Variants in ARHGAP42 observed in about 807,000 individuals in gnomAD.
ARHGAP42 encodes rho GTPase-activating protein 42.
In ARHGAP42, 63 loss-of-function variants were observed where a neutral mutation model predicts 125.0. That is an observed-to-expected ratio of 0.50 (90% CI 0.41 to 0.62). The LOEUF is 0.62. Ranked by LOEUF, ARHGAP42 falls within the 20% of genes least tolerant of loss-of-function variation. The pLI, the probability that ARHGAP42 is intolerant of heterozygous loss-of-function variation, is 0.00. For missense variants in ARHGAP42, 766 were observed against 1,024.2 expected, an observed-to-expected ratio of 0.75 and a Z score of 3.44; for synonymous variants, 339 against 351.0, an observed-to-expected ratio of 0.97 and a Z score of 0.38.
chr11:100,948,325 C>T, intron 10 of ARHGAP42, 132 bp from the exon 11 acceptor site: 6 of 648,002 alleles, frequency 9.3e-6, no homozygotes, highest in African/African-American at 1.8e-5. Context: ...TAGAAAAATT[C>T]CTATGTTTTT....
intron 13 of ARHGAP42, among the ~76,000 whole-genome samples, 191 bp downstream of exon 13, chr11:100,960,136 T>C (rs1490392716): frequency 6.6e-6 from 1 of 152,150 alleles, no homozygotes; most frequent in East Asian, 1.9e-4. Flanking sequence ...AATCATGCTT[T>C]AGGCATACTT....
rs373059302 is a variant in ARHGAP42 at position 100,837,666 on chromosome 11, C to CTTTTTT, written c.313-21862_313-21857dup. Among the ~76,000 whole-genome samples the CTTTTTT allele has an allele frequency of 7.3e-3, 445 of 60,872 alleles. 60 individuals are homozygous for CTTTTTT. Among genetic ancestry groups the CTTTTTT allele is most frequent in the African/African-American group, 0.029 (403 of 14,024 alleles). The allele number at this position is 60,872 out of a possible 152,430, so 39.9% of individuals were successfully genotyped here. A position where few individuals can be genotyped will look rare whatever the true frequency, so the allele number is the denominator to read the frequency against. ...CAGTTCCCAGAATCTAGGTGTCATCCTTTTTTTTTTTTTTTTTTTTTTTTT... is the reference window on the plus strand; with the variant it reads ...CAGTTCCCAGAATCTAGGTGTCATCCTTTTTTTTTTTTTTTTTTTTTTTTTTTTTTT... On this transcript the variant is annotated intron_variant, in intron 3 of 23. Transcript: ENST00000298815.
chr11:100,708,672 A>C (rs1474296439), intron 1 of ARHGAP42, among the ~76,000 whole-genome samples: 1 of 152,220 alleles, frequency 6.6e-6, no homozygotes, highest in Non-Finnish European at 1.5e-5. Flanking sequence ...TATGATGATA[A>C]ACTTTATTAT....
chr11:100,714,777 C>G (rs1258543801), intron 1 of ARHGAP42, among the ~76,000 whole-genome samples: 1 of 152,048 alleles, frequency 6.6e-6, no homozygotes, highest in East Asian at 1.9e-4. Context: ...CGCCTATAAT[C>G]CCAGCACTTT....
intron 4 of ARHGAP42, among the ~76,000 whole-genome samples, chr11:100,905,805 C>A (rs1360045912): frequency 9.7e-6 from 1 of 103,610 alleles, no homozygotes; most frequent in Non-Finnish European, 1.9e-5. Flanking sequence ...AGCAAAACCC[C>A]GTCTCTACTA....
chr11:100,992,357 G>A lies in ARHGAP42; in HGVS notation c.*3556G>A. The stretch of plus-strand genomic sequence containing the variant: ...ACCCGGAAATCACATCTCCTGGTCA[G>A]GTCACGAAAAAGAACACAGGCTTGA... On this transcript the variant is annotated 3_prime_UTR_variant, in exon 24 of 24. Transcript: ENST00000298815. 1 of 1,613,582 alleles carries A rather than the reference G, an allele frequency of 6.2e-7. No individual in the cohort carries two copies. Among genetic ancestry groups the A allele is most frequent in the Non-Finnish European group, 8.5e-7 (1 of 1,179,704 alleles).
Position 100,991,873 on chromosome 11 carries a change from A to T in ARHGAP42, c.*3072A>T. ...TTTCAGAGATAGTGAAGGAAAAAAA[A>T]TGTATTAAAACCCCAAATTATCTAG... is the stretch of plus-strand genomic sequence containing the variant. On this transcript the variant is annotated 3_prime_UTR_variant, in exon 24 of 24. Coordinates refer to ENST00000298815, the MANE Select transcript of ARHGAP42 (RefSeq NM_152432.4). 6.5e-6 allele frequency: 1 copy of T among 154,656 alleles called. No homozygotes were observed. The highest frequency in any genetic ancestry group is 1.4e-5 in the Non-Finnish European group (1 of 69,770). The allele number at this position is 154,656 out of a possible 1,614,324, so 9.6% of individuals were successfully genotyped here.
At chr11:100,921,649 A>G in intron 6 of ARHGAP42, 45 bp downstream of exon 6, 2 of 1,210,898 alleles carry the variant, frequency 1.7e-6, no homozygotes, top group South Asian at 1.5e-5. Context: ...AAAACAATCT[A>G]TGGAAAAAAA....
intron 3 of ARHGAP42, among the ~76,000 whole-genome samples, chr11:100,799,016 G>T (rs554359372): frequency 6.6e-6 from 1 of 152,330 alleles, no homozygotes; most frequent in South Asian, 2.1e-4. Flanking sequence ...TGTGGAATAA[G>T]GCAGATAGTT....
intron 6 of ARHGAP42, among the ~76,000 whole-genome samples, chr11:100,926,001 C>T (rs1307796457): frequency 6.6e-6 from 1 of 152,154 alleles, no homozygotes; most frequent in Non-Finnish European, 1.5e-5. Flanking sequence ...TCTAGAAGTA[C>T]TCTGAACACA....
intron 3 of ARHGAP42, among the ~76,000 whole-genome samples, chr11:100,827,906 T>C (rs1320245132): frequency 6.6e-6 from 1 of 152,160 alleles, no homozygotes; most frequent in African/African-American, 2.4e-5. Context: ...GAATCTACCC[T>C]TTACAAAACA....
intron 1 of ARHGAP42, among the ~76,000 whole-genome samples, chr11:100,737,873 C>T (rs1862100383): frequency 6.6e-6 from 1 of 152,200 alleles, no homozygotes; most frequent in South Asian, 2.1e-4. Flanking sequence ...AGTTGCTTGC[C>T]TATTGCTCAT....
chr11:100,698,386 A>G (rs771179473), intron 1 of ARHGAP42, among the ~76,000 whole-genome samples: 2 of 152,152 alleles, frequency 1.3e-5, no homozygotes, highest in South Asian at 2.1e-4. Flanking sequence ...CAAGAGGATC[A>G]CTTGAGCCCA....
At chr11:100,781,282 A>G (rs1247973963) in intron 2 of ARHGAP42, among the ~76,000 whole-genome samples, 1 of 148,576 alleles carries the variant, frequency 6.7e-6, no homozygotes, top group East Asian at 1.9e-4. Context: ...AACAACATGA[A>G]CTGTTTTTTT....
chr11:100,986,567 A>G (rs1858684106), intron 22 of ARHGAP42, among the ~76,000 whole-genome samples: 2 of 152,152 alleles, frequency 1.3e-5, no homozygotes, highest in Admixed American at 6.5e-5. Context: ...TGGCTGCTCT[A>G]TAGATAATGG....
chr11:100,971,738 T>A (rs919482434), intron 17 of ARHGAP42, among the ~76,000 whole-genome samples: 1 of 152,164 alleles, frequency 6.6e-6, no homozygotes, highest in Non-Finnish European at 1.5e-5. Context: ...CTAATTTAAT[T>A]TCAGGGATAA....
At chr11:100,780,607 G>A (rs1309720516) in intron 2 of ARHGAP42, among the ~76,000 whole-genome samples, 2 of 152,204 alleles carry the variant, frequency 1.3e-5, no homozygotes, top group East Asian at 1.9e-4. Context: ...CTGTAAGAGC[G>A]ACATTGTTAA....
intron 3 of ARHGAP42, among the ~76,000 whole-genome samples, chr11:100,852,372 T>C (rs888137534): frequency 8.5e-5 from 13 of 152,212 alleles, no homozygotes; most frequent in African/African-American, 3.1e-4. Context: ...CTTTTAAACT[T>C]GCAAAGGCTA....
chr11:100,907,313 G>A (rs770487476), intron 4 of ARHGAP42, among the ~76,000 whole-genome samples: 16 of 152,182 alleles, frequency 1.1e-4, no homozygotes, highest in Admixed American at 2.6e-4. Flanking sequence ...CTTGACATGC[G>A]TTATCTGTTT....
Sources: gnomAD v4.1 joint callset for allele counts (sites outside exome capture counted in the v4.1 genomes callset) on GRCh38, gnomAD v4.1.1 for gene constraint, MANE v1.5 for transcripts, NCBI Gene and HGNC (gene_info 2026-07-23, HGNC 2026-07-21) for gene names.